Variants in GLIS3 observed in about 807,000 individuals in gnomAD.
GLIS3 encodes the protein zinc finger protein GLIS3.
A neutral mutation model predicts 78.6 loss-of-function variants in GLIS3; 53 were observed. The observed-to-expected ratio is 0.67, with a 90% CI of 0.54 to 0.85. GLIS3 has a LOEUF of 0.85. Among genes scored for constraint, GLIS3 ranks in the 40% least tolerant of loss-of-function variants. The pLI is 0.00. For synonymous variants in GLIS3, 684 were observed against 509.9 expected (o/e 1.34, Z -4.60); for missense variants, 1,703 against 1,231.1 (o/e 1.38, Z -5.74).
At chr9:4,251,482 T>G (rs1824381670) in intron 2 of GLIS3, among the ~76,000 whole-genome samples, 1 of 152,032 alleles carries the variant, frequency 6.6e-6, no homozygotes, top group South Asian at 2.1e-4. Context: ...CTCCATCCCT[T>G]TATTTTGAGC....
chr9:4,089,046 C>A (rs10974326), intron 4 of GLIS3, among the ~76,000 whole-genome samples: 52,545 of 152,134 alleles, frequency 0.35, 9,474 homozygotes, highest in Non-Finnish European at 0.39. Flanking sequence ...CTTTCCCCAG[C>A]AACTTGCTTT....
chr9:4,424,090 T>C, the GLIS3 span, among the ~76,000 whole-genome samples: 2 of 152,208 alleles, frequency 1.3e-5, no homozygotes, highest in Non-Finnish European at 2.9e-5. Context: ...GAAAGTTCAA[T>C]TACAAGAAAA....
chr9:4,327,173 G>A (rs1407721037), intron 2 of GLIS3, among the ~76,000 whole-genome samples: 1 of 152,160 alleles, frequency 6.6e-6, no homozygotes, highest in Admixed American at 6.5e-5. Context: ...TGAGAAGGGA[G>A]AGTGTCCAGT....
At chr9:4,224,223 T>A (rs998174452) in intron 2 of GLIS3, among the ~76,000 whole-genome samples, 1 of 152,136 alleles carries the variant, frequency 6.6e-6, no homozygotes, top group Non-Finnish European at 1.5e-5. Context: ...AGTTTCCTCA[T>A]CTAGAAAGGA....
chr9:4,453,371 A>G, the GLIS3 span, among the ~76,000 whole-genome samples: 2 of 151,132 alleles, frequency 1.3e-5, no homozygotes, highest in African/African-American at 2.4e-5. Flanking sequence ...AAAAGAAAAA[A>G]CTACCATCAG....
chr9:3,944,935 G>C (rs1588284691), intron 4 of GLIS3, among the ~76,000 whole-genome samples: 2 of 152,190 alleles, frequency 1.3e-5, no homozygotes, highest in African/African-American at 4.8e-5. Context: ...TGAGAAAAGG[G>C]GGCAGAACAC....
At position 4,286,517 on chromosome 9, in the gene GLIS3, T is replaced by G. The variant is rs1828018780; in HGVS notation, c.-92A>C. ...CCAATAAGTTATCCATGGTGTGGGT[T>G]ATAAGCCTGTTTAAAAAAATAAACG... On this transcript the variant is annotated 5_prime_UTR_variant, in exon 2 of 11. Coordinates refer to ENST00000381971, the MANE Select transcript of GLIS3 (RefSeq NM_001042413.2). 1.4e-5 allele frequency: 20 copies of G among 1,464,176 alleles called. No homozygotes were observed. The highest frequency in any genetic ancestry group is 1.9e-5 in the Non-Finnish European group (20 of 1,060,822). The allele number at this position is 1,464,176 out of a possible 1,614,324, so 90.7% of individuals were successfully genotyped here.
the GLIS3 span, among the ~76,000 whole-genome samples, chr9:4,439,706 T>C: frequency 6.6e-6 from 1 of 152,182 alleles, no homozygotes; most frequent in Non-Finnish European, 1.5e-5. Flanking sequence ...AGAGTCTCAC[T>C]CTGTTGTCCA....
intron 4 of GLIS3, among the ~76,000 whole-genome samples, chr9:3,988,551 T>C (rs116364508): frequency 4.4e-4 from 67 of 152,292 alleles, no homozygotes; most frequent in African/African-American, 1.6e-3. Context: ...GTGGTATTGA[T>C]GAATTAATAC....
At chr9:3,960,504 T>A (rs1251658913) in intron 4 of GLIS3, among the ~76,000 whole-genome samples, 1 of 152,224 alleles carries the variant, frequency 6.6e-6, no homozygotes, top group Admixed American at 6.5e-5. Flanking sequence ...TCCATTAGAA[T>A]GCAGTCTCCA....
chr9:4,408,872 T>G, the GLIS3 span, among the ~76,000 whole-genome samples: 1 of 151,998 alleles, frequency 6.6e-6, no homozygotes, highest in Non-Finnish European at 1.5e-5. Flanking sequence ...ATGGGATAAA[T>G]GCTTGAGGAG....
intron 4 of GLIS3, among the ~76,000 whole-genome samples, chr9:3,962,106 G>A (rs1817603849): frequency 6.6e-6 from 1 of 152,106 alleles, no homozygotes; most frequent in Non-Finnish European, 1.5e-5. Flanking sequence ...TGTAGTCCTA[G>A]CTACCTGGGA....
At chr9:4,186,692 T>C (rs1817829778) in intron 2 of GLIS3, among the ~76,000 whole-genome samples, 1 of 151,962 alleles carries the variant, frequency 6.6e-6, no homozygotes, top group Non-Finnish European at 1.5e-5. Context: ...ATTGCCATTC[T>C]AACTGGTGTG....
intron 6 of GLIS3, among the ~76,000 whole-genome samples, chr9:3,909,964 T>G (rs1824020250): frequency 6.6e-6 from 1 of 152,236 alleles, no homozygotes; most frequent in Admixed American, 6.5e-5. Context: ...CTTATAGTAA[T>G]GAAGTGCACA....
chr9:4,089,668 A>C (rs531712616), intron 4 of GLIS3, among the ~76,000 whole-genome samples: 7 of 151,936 alleles, frequency 4.6e-5, no homozygotes, highest in Non-Finnish European at 1.0e-4. Flanking sequence ...TTTGTTTTTT[A>C]ATTAGCCAGG....
At chr9:4,194,368 T>C (rs1355623454) in intron 2 of GLIS3, among the ~76,000 whole-genome samples, 1 of 152,244 alleles carries the variant, frequency 6.6e-6, no homozygotes, top group Non-Finnish European at 1.5e-5. Flanking sequence ...CCTGCCACTT[T>C]ATTTTTTTAA....
intron 2 of GLIS3, among the ~76,000 whole-genome samples, chr9:4,279,429 AAGGT>A (rs1827352277): frequency 6.7e-6 from 1 of 149,650 alleles, no homozygotes; most frequent in African/African-American, 2.4e-5. Flanking sequence ...AACACAAAGA[AAGGT>A]AGAGGAACTG....
At chr9:4,059,829 T>TGTGTGTGAGAGAGAGAGAGAGA in intron 4 of GLIS3, among the ~76,000 whole-genome samples, 1 of 100,648 alleles carries the variant, frequency 9.9e-6, no homozygotes, top group East Asian at 3.3e-4. Flanking sequence ...TGTGTGTGTG[T>TGTGTGTGAGAGAGAGAGAGAGA]GAGAGAGAGA....
chr9:4,221,244 A>G (rs1333898773), intron 2 of GLIS3, among the ~76,000 whole-genome samples: 4 of 152,166 alleles, frequency 2.6e-5, no homozygotes, highest in Non-Finnish European at 5.9e-5. Flanking sequence ...AAATGAGGTA[A>G]AATGTTAAAA....
Sources: gnomAD v4.1 joint callset for allele counts (sites outside exome capture counted in the v4.1 genomes callset) on GRCh38, gnomAD v4.1.1 for gene constraint, MANE v1.5 for transcripts, NCBI Gene and HGNC (gene_info 2026-07-23, HGNC 2026-07-21) for gene names.